Variants in MRPS9 observed in about 807,000 individuals in gnomAD.
MRPS9 encodes small ribosomal subunit protein uS9m.
MRPS9 carries 45 observed loss-of-function variants against 59.9 expected under a neutral mutation model. The ratio of observed to expected loss-of-function variants is 0.75; its 90% CI spans 0.59 to 0.96. MRPS9 has a LOEUF of 0.96. Ranked by LOEUF, MRPS9 falls within the 40% of genes least tolerant of loss-of-function variation. MRPS9 has a pLI of 0.00. For missense variants in MRPS9, 473 were observed against 481.1 expected (o/e 0.98, Z 0.16); for synonymous variants, 171 against 166.8 (o/e 1.03, Z -0.19).
At chr2:105,060,506 C>T (rs1164100987) in intron 2 of MRPS9, among the ~76,000 whole-genome samples, 1 of 152,092 alleles carries the variant, frequency 6.6e-6, no homozygotes, top group Non-Finnish European at 1.5e-5. Flanking sequence ...GTCTTGAACA[C>T]TTGACCTCAA....
At chr2:105,052,647 G>A (rs1382917862) in intron 2 of MRPS9, among the ~76,000 whole-genome samples, 1 of 152,138 alleles carries the variant, frequency 6.6e-6, no homozygotes, top group Non-Finnish European at 1.5e-5. Flanking sequence ...GTTAGGAAGT[G>A]TTCTCTCCTC....
rs146801001 is a variant in MRPS9, at chr2:105,097,920, G to A, written c.1099+596G>A. On this transcript the variant is annotated intron_variant, in intron 10 of 10. Coordinates refer to ENST00000258455, the MANE Select transcript of MRPS9 (RefSeq NM_182640.3). The stretch of plus-strand genomic sequence containing the variant: ...TTGCTATGTTGCCCAGGCTGTTCTC[G>A]AACTCCTGGCCTCAAACAATCCTGC... Among the ~76,000 whole-genome samples, 643 of 152,162 alleles carry A rather than the reference G, an allele frequency of 4.2e-3. 6 individuals are homozygous for A. Among genetic ancestry groups the A allele is most frequent in the African/African-American group, 0.015 (608 of 41,486 alleles).
chr2:105,066,683 G>A (rs1174431953), intron 2 of MRPS9, among the ~76,000 whole-genome samples: 1 of 151,964 alleles, frequency 6.6e-6, no homozygotes, highest in Non-Finnish European at 1.5e-5. Flanking sequence ...TTCACCCTAA[G>A]TTGAAGAATT....
At chr2:105,070,252 G>A (rs1680089378) in intron 2 of MRPS9, among the ~76,000 whole-genome samples, 1 of 152,118 alleles carries the variant, frequency 6.6e-6, no homozygotes, top group African/African-American at 2.4e-5. Context: ...TTACCAGCAT[G>A]AGCCACCGTG....
At chr2:105,065,361 G>C (rs1313827838) in intron 2 of MRPS9, among the ~76,000 whole-genome samples, 1 of 152,146 alleles carries the variant, frequency 6.6e-6, no homozygotes, top group Non-Finnish European at 1.5e-5. Context: ...TTACTTCAGT[G>C]TAAGCTACTT....
intron 5 of MRPS9, 37 bp from the exon 6 acceptor site, chr2:105,088,947 T>C (rs1680503663): frequency 7.0e-7 from 1 of 1,421,206 alleles, no homozygotes; most frequent in Non-Finnish European, 9.7e-7. Flanking sequence ...CCATTGCTCT[T>C]ATTTTTAGCA....
intron 2 of MRPS9, among the ~76,000 whole-genome samples, chr2:105,062,510 G>T (rs1573427519): frequency 6.6e-6 from 1 of 152,326 alleles, no homozygotes; most frequent in African/African-American, 2.4e-5. Flanking sequence ...CTTTGTCGTA[G>T]AAATCCTCTA....
At chr2:105,043,303 G>C (rs950314194) in intron 1 of MRPS9, among the ~76,000 whole-genome samples, 1 of 152,146 alleles carries the variant, frequency 6.6e-6, no homozygotes, top group African/African-American at 2.4e-5. Context: ...TAAGTAAGTG[G>C]ATTTCTTATT....
chr2:105,042,713 T>C (rs2104436927), intron 1 of MRPS9, among the ~76,000 whole-genome samples: 1 of 152,370 alleles, frequency 6.6e-6, no homozygotes, highest in South Asian at 2.1e-4. Context: ...TATCTCATTA[T>C]AGCAACATTC....
intron 2 of MRPS9, among the ~76,000 whole-genome samples, chr2:105,060,204 T>C (rs1426107502): frequency 3.9e-5 from 6 of 152,216 alleles, no homozygotes; most frequent in Non-Finnish European, 7.3e-5. Flanking sequence ...AATTATCTTA[T>C]TTGAAATACC....
At chr2:105,052,210 A>G (rs1679724560) in intron 2 of MRPS9, among the ~76,000 whole-genome samples, 2 of 152,126 alleles carry the variant, frequency 1.3e-5, no homozygotes, top group Non-Finnish European at 2.9e-5. Context: ...ATCTTGGGGG[A>G]AAGCATTCAG....
intron 1 of MRPS9, among the ~76,000 whole-genome samples, chr2:105,045,950 C>T (rs553653722): frequency 9.9e-5 from 15 of 152,072 alleles, no homozygotes; most frequent in South Asian, 8.3e-4. Flanking sequence ...CTGCAACCTC[C>T]GGCTCCCCGG....
chr2:105,075,555 A>G (rs2104457041), intron 4 of MRPS9, among the ~76,000 whole-genome samples: 1 of 152,358 alleles, frequency 6.6e-6, no homozygotes, highest in South Asian at 2.1e-4. Flanking sequence ...AAAGAATGAA[A>G]GCTTCTAAAT....
chr2:105,049,419 A>T, intron 2 of MRPS9, 69 bp downstream of exon 2: 10 of 1,328,412 alleles, frequency 7.5e-6, no homozygotes, highest in Non-Finnish European at 9.5e-6. Context: ...ACTTTTCTTC[A>T]TGAGCCCCTT....
intron 1 of MRPS9, among the ~76,000 whole-genome samples, chr2:105,039,818 T>G (rs1344450541): frequency 1.3e-5 from 2 of 152,246 alleles, no homozygotes; most frequent in Non-Finnish European, 2.9e-5. Context: ...AGTACTGGTT[T>G]AGTAAAATGG....
At position 105,071,637 on chromosome 2, in the gene MRPS9, A is replaced by G. The variant is rs549332394; in HGVS notation, c.409+148A>G. ...AGGTCAAAAAATTTTGTAACAATGA[A>G]TGAGTGAAGTTTGCAAACCATATCT... On this transcript the variant is annotated intron_variant, in intron 4 of 10. Coordinates refer to ENST00000258455, the MANE Select transcript of MRPS9 (RefSeq NM_182640.3). The G allele has an allele frequency of 1.6e-4, 109 of 699,242 alleles. 1 individual carries two copies. The East Asian group carries it at 2.5e-3, about 16-fold the overall frequency. 43.3% of individuals were successfully genotyped at this position (699,242 alleles called of 1,614,324 possible). A position where few individuals can be genotyped will look rare whatever the true frequency, so the allele number is the denominator to read the frequency against.
chr2:105,057,766 A>G (rs1263976820), intron 2 of MRPS9, among the ~76,000 whole-genome samples: 9 of 152,206 alleles, frequency 5.9e-5, no homozygotes, highest in Non-Finnish European at 1.3e-4. Context: ...GTTGAGGACC[A>G]CTGATATTTG....
At position 105,046,356 on chromosome 2, in the gene MRPS9, T is replaced by C. The variant is rs986598808; in HGVS notation, c.136-2815T>C. On this transcript the variant is annotated intron_variant, in intron 1 of 10. Coordinates refer to ENST00000258455, the MANE Select transcript of MRPS9 (RefSeq NM_182640.3). ...ACCTTGCCTTTCTGCCTACCTTCCC[T>C]CACCTACAAACAATTTGTTTCATTA... Among the ~76,000 whole-genome samples, 11 of 152,002 alleles carry C rather than the reference T, an allele frequency of 7.2e-5. 1 individual carries two copies. The highest frequency in any genetic ancestry group is 6.6e-4 in the Admixed American group (10 of 15,238).
rs148923969 is a variant in MRPS9 at position 105,084,061 on chromosome 2, A to G, written c.489+3999A>G. On this transcript the variant is annotated intron_variant, in intron 5 of 10. Coordinates refer to ENST00000258455, the MANE Select transcript of MRPS9 (RefSeq NM_182640.3). Reference sequence around the variant, plus strand: ...CTAAGCATTTATTGAAGTTTTACAAAAGCTCCCCTCATCCCAGTCTTTAAG... The same window carrying G: ...CTAAGCATTTATTGAAGTTTTACAAGAGCTCCCCTCATCCCAGTCTTTAAG... Among the ~76,000 whole-genome samples, 420 of 152,226 alleles carry G rather than the reference A, an allele frequency of 2.8e-3. 2 individuals are homozygous for G. The highest frequency in any genetic ancestry group is 9.5e-3 in the African/African-American group (395 of 41,544).
Sources: gnomAD v4.1 joint callset for allele counts (sites outside exome capture counted in the v4.1 genomes callset) on GRCh38, gnomAD v4.1.1 for gene constraint, MANE v1.5 for transcripts, NCBI Gene and HGNC (gene_info 2026-07-23, HGNC 2026-07-21) for gene names.